The following MB21D2 variants were observed in gnomAD, a reference collection of about 807,000 sequenced individuals.
The protein encoded by MB21D2 is Mab-21 domain containing 2, also known as nucleotidyltransferase MB21D2.
In MB21D2, 9 loss-of-function variants were observed where a neutral mutation model predicts 33.3. The ratio of observed to expected loss-of-function variants is 0.27; its 90% confidence interval spans 0.16 to 0.47. MB21D2 has a LOEUF of 0.47. Among genes scored for constraint, MB21D2 ranks in the 20% least tolerant of loss-of-function variants. MB21D2 has a pLI of 0.99. For missense variants in MB21D2, 540 were observed against 624.6 expected (o/e 0.86, Z 1.44); for synonymous variants, 241 against 236.3 (o/e 1.02, Z -0.18).
chr3:192,845,605 G>T (rs1469112433), intron 1 of MB21D2, among the ~76,000 whole-genome samples: 1 of 152,162 alleles, frequency 6.6e-6, no homozygotes, highest in Non-Finnish European at 1.5e-5. Flanking sequence ...ACACCCTAAC[G>T]GGTTGATAAT....
At chr3:192,846,463 T>C (rs1464216330) in intron 1 of MB21D2, among the ~76,000 whole-genome samples, 1 of 152,156 alleles carries the variant, frequency 6.6e-6, no homozygotes, top group Non-Finnish European at 1.5e-5. Context: ...CTTGCTCCCC[T>C]GCCCCAATGC....
chr3:192,900,801 T>C (rs1577201578), intron 1 of MB21D2, among the ~76,000 whole-genome samples: 1 of 151,746 alleles, frequency 6.6e-6, no homozygotes, highest in East Asian at 1.9e-4. Context: ...ATTAGCCAGG[T>C]ATGGCGGCGC....
At chr3:192,838,622 GT>G (rs1012725651) in intron 1 of MB21D2, among the ~76,000 whole-genome samples, 1 of 151,998 alleles carries the variant, frequency 6.6e-6, no homozygotes, top group East Asian at 1.9e-4. Context: ...TAGAGATGGG[GT>G]TTCACCGTGC....
chr3:192,828,609 T>C lies in MB21D2; in HGVS notation c.212-28959A>G, dbSNP rs1712235693. ...CCCCCCCCATATATATATATATATA[T>C]ATATATATATATATATATATATATA... On this transcript the variant is annotated intron_variant, in intron 1 of 1. Transcript: ENST00000392452. Among the ~76,000 whole-genome samples, 39 of 4,476 alleles carry C rather than the reference T, an allele frequency of 8.7e-3. 7 individuals carry two copies. Among genetic ancestry groups the C allele is most frequent in the South Asian group, 0.024 (2 of 84 alleles). The allele number at this position is 4,476 out of a possible 152,430, so 2.9% of individuals were successfully genotyped here.
chr3:192,809,934 C>T (rs1317303769), intron 1 of MB21D2, among the ~76,000 whole-genome samples: 1 of 152,190 alleles, frequency 6.6e-6, no homozygotes, highest in East Asian at 1.9e-4. Flanking sequence ...TGAAAATATT[C>T]CCACATATTC....
At chr3:192,849,536 T>G (rs1712753927) in intron 1 of MB21D2, among the ~76,000 whole-genome samples, 1 of 152,314 alleles carries the variant, frequency 6.6e-6, no homozygotes, top group Admixed American at 6.5e-5. Context: ...CAGGCTGGTC[T>G]TGAACTCCTG....
chr3:192,825,904 T>C (rs1253366782), intron 1 of MB21D2, among the ~76,000 whole-genome samples: 2 of 152,232 alleles, frequency 1.3e-5, no homozygotes, highest in African/African-American at 2.4e-5. Flanking sequence ...TGTGTTCCAA[T>C]GGTTCAGTAA....
At chr3:192,823,293 T>G (rs546289787) in intron 1 of MB21D2, among the ~76,000 whole-genome samples, 1 of 152,346 alleles carries the variant, frequency 6.6e-6, no homozygotes, top group South Asian at 2.1e-4. Flanking sequence ...TGAGTAAATG[T>G]CTGACAATCT....
intron 1 of MB21D2, among the ~76,000 whole-genome samples, chr3:192,813,615 T>C (rs1159758803): frequency 2.0e-5 from 3 of 152,204 alleles, no homozygotes; most frequent in Non-Finnish European, 4.4e-5. Flanking sequence ...TGAACAGCTC[T>C]AGAATTCTCA....
At chr3:192,884,459 C>A (rs530638025) in intron 1 of MB21D2, among the ~76,000 whole-genome samples, 1 of 151,770 alleles carries the variant, frequency 6.6e-6, no homozygotes, top group Non-Finnish European at 1.5e-5. Flanking sequence ...CTCCGCCTCC[C>A]GGGTTCACTC....
At chr3:192,849,047 C>A (rs1712730689) in intron 1 of MB21D2, among the ~76,000 whole-genome samples, 1 of 152,170 alleles carries the variant, frequency 6.6e-6, no homozygotes, top group African/African-American at 2.4e-5. Context: ...TAACATATCA[C>A]AGATTCAGTT....
chr3:192,880,778 G>A (rs2108642550), intron 1 of MB21D2, among the ~76,000 whole-genome samples: 1 of 152,270 alleles, frequency 6.6e-6, no homozygotes, highest in East Asian at 1.9e-4. Flanking sequence ...CCTGTCTTTA[G>A]ATTTACAGTG....
intron 1 of MB21D2, among the ~76,000 whole-genome samples, chr3:192,816,311 A>T (rs1159093538): frequency 3.3e-5 from 5 of 152,186 alleles, no homozygotes; most frequent in African/African-American, 1.2e-4. Context: ...CATTTTTAAG[A>T]TAGTGACAAA....
intron 1 of MB21D2, among the ~76,000 whole-genome samples, chr3:192,912,705 A>C (rs918409867): frequency 6.6e-6 from 1 of 152,080 alleles, no homozygotes; most frequent in Non-Finnish European, 1.5e-5. Flanking sequence ...AAAAGAAATT[A>C]TCTTTGCTCC....
chr3:192,820,166 G>A (rs1216791842), intron 1 of MB21D2, among the ~76,000 whole-genome samples: 2 of 152,160 alleles, frequency 1.3e-5, no homozygotes, highest in African/African-American at 2.4e-5. Flanking sequence ...ATAACAGCAA[G>A]TCAGAGCTAA....
chr3:192,830,488 C>CTACCTAATAATGCATGGCTCTTATCTGCT (rs1712292055), intron 1 of MB21D2, among the ~76,000 whole-genome samples: 5 of 152,162 alleles, frequency 3.3e-5, no homozygotes, highest in Non-Finnish European at 5.9e-5. Context: ...AGTAATCTGC[C>CTACCTAATAATGCATGGCTCTTATCTGCT]TACCTAATAA....
At chr3:192,849,406 C>T (rs1203023458) in intron 1 of MB21D2, among the ~76,000 whole-genome samples, 1 of 152,064 alleles carries the variant, frequency 6.6e-6, no homozygotes, top group Non-Finnish European at 1.5e-5. Context: ...CAACCTCCGC[C>T]TCCCGGGTTC....
intron 1 of MB21D2, among the ~76,000 whole-genome samples, chr3:192,887,817 G>A (rs74768143): frequency 0.044 from 6,739 of 152,152 alleles, 211 homozygotes; most frequent in East Asian, 0.14. Flanking sequence ...AAGGGACACT[G>A]CTTCTCAAAC....
At chr3:192,858,025 T>C (rs1463978871) in intron 1 of MB21D2, among the ~76,000 whole-genome samples, 1 of 152,066 alleles carries the variant, frequency 6.6e-6, no homozygotes, top group Non-Finnish European at 1.5e-5. Context: ...CCGGGGAGGC[T>C]GAGGCAGGAA....
Sources: gnomAD v4.1 joint callset for allele counts (sites outside exome capture counted in the v4.1 genomes callset) on GRCh38, gnomAD v4.1.1 for gene constraint, MANE v1.5 for transcripts, NCBI Gene and HGNC (gene_info 2026-07-23, HGNC 2026-07-21) for gene names.